The following CSMD1 variants were observed in gnomAD, a reference collection of about 807,000 sequenced individuals.
CSMD1 encodes CUB and Sushi multiple domains 1, also known as CUB and sushi domain-containing protein 1.
A neutral mutation model predicts 417.5 loss-of-function variants in CSMD1; 213 were observed. The ratio of observed to expected loss-of-function variants is 0.51; its 90% CI spans 0.46 to 0.57. The LOEUF (loss-of-function observed/expected upper bound fraction) is 0.57. CSMD1 is among the 20% of genes least tolerant of loss of function. The pLI is 0.00. For missense variants in CSMD1, 6,923 were observed against 4,529.7 expected, an observed-to-expected ratio of 1.53 and a Z score of -15.17; for synonymous variants, 2,862 against 1,736.8, an observed-to-expected ratio of 1.65 and a Z score of -16.11.
chr8:3,886,519 A>T (rs2627354), intron 5 of CSMD1, among the ~76,000 whole-genome samples: 3 of 152,158 alleles, frequency 2.0e-5, no homozygotes, highest in Non-Finnish European at 4.4e-5. Context: ...GTGCTGCTGA[A>T]GTTTGAAAGC....
chr8:4,824,574 C>G (rs534477264), intron 1 of CSMD1, among the ~76,000 whole-genome samples: 2 of 152,152 alleles, frequency 1.3e-5, no homozygotes, highest in Non-Finnish European at 2.9e-5. Context: ...CAGTCTCAAA[C>G]AAGACAGTCT....
chr8:3,553,406 G>A (rs192500259), intron 10 of CSMD1, among the ~76,000 whole-genome samples: 30 of 152,280 alleles, frequency 2.0e-4, no homozygotes, highest in African/African-American at 6.7e-4. Context: ...GACAGACCCA[G>A]CTGATTCATG....
At chr8:4,432,677 T>G (rs1263643592) in intron 2 of CSMD1, among the ~76,000 whole-genome samples, 1 of 152,120 alleles carries the variant, frequency 6.6e-6, no homozygotes, top group Non-Finnish European at 1.5e-5. Flanking sequence ...GAGACAAGAT[T>G]CAAACCCTGG....
At chr8:4,480,323 C>A (rs773455745) in intron 2 of CSMD1, among the ~76,000 whole-genome samples, 70 of 152,262 alleles carry the variant, frequency 4.6e-4, no homozygotes, top group Non-Finnish European at 9.4e-4. Context: ...TGTGTTTCTG[C>A]AGCCTTTGAG....
intron 1 of CSMD1, among the ~76,000 whole-genome samples, chr8:4,807,117 T>G (rs567171912): frequency 3.9e-5 from 6 of 152,288 alleles, no homozygotes; most frequent in Admixed American, 2.0e-4. Flanking sequence ...CATAGAAAAT[T>G]AATGGGAAAT....
At chr8:4,039,655 G>C (rs944950202) in intron 3 of CSMD1, among the ~76,000 whole-genome samples, 2 of 152,196 alleles carry the variant, frequency 1.3e-5, no homozygotes, top group Admixed American at 1.3e-4. Context: ...GACGTAATCA[G>C]AACTGGCTGA....
At chr8:3,748,249 CTATT>C (rs1797154357) in intron 6 of CSMD1, among the ~76,000 whole-genome samples, 3 of 152,052 alleles carry the variant, frequency 2.0e-5, no homozygotes, top group Non-Finnish European at 2.9e-5. Context: ...TTATTAAAAA[CTATT>C]TTTTTTCATG....
At chr8:4,743,521 A>T (rs917743895) in intron 1 of CSMD1, among the ~76,000 whole-genome samples, 1 of 152,184 alleles carries the variant, frequency 6.6e-6, no homozygotes, top group Non-Finnish European at 1.5e-5. Flanking sequence ...CTTTGAGTTC[A>T]TGATGTTCTT....
intron 3 of CSMD1, among the ~76,000 whole-genome samples, chr8:4,222,512 A>G (rs1801100961): frequency 6.6e-6 from 1 of 152,220 alleles, no homozygotes; most frequent in African/African-American, 2.4e-5. Flanking sequence ...TAATATTATT[A>G]TTGTTAAATA....
chr8:3,822,742 C>T, intron 5 of CSMD1, among the ~76,000 whole-genome samples: 1 of 152,040 alleles, frequency 6.6e-6, no homozygotes, highest in East Asian at 1.9e-4. Flanking sequence ...TGTTTGGCAC[C>T]AAAGTGGAAA....
At chr8:4,807,141 C>T (rs182853622) in intron 1 of CSMD1, among the ~76,000 whole-genome samples, 3 of 152,166 alleles carry the variant, frequency 2.0e-5, no homozygotes, top group African/African-American at 7.2e-5. Context: ...GAAGACTACT[C>T]GAGTAATTTA....
intron 10 of CSMD1, among the ~76,000 whole-genome samples, chr8:3,507,192 C>T (rs1013017187): frequency 6.6e-6 from 1 of 152,104 alleles, no homozygotes; most frequent in Non-Finnish European, 1.5e-5. Flanking sequence ...AATTGTGAAT[C>T]ATCATGAAAT....
intron 1 of CSMD1, among the ~76,000 whole-genome samples, chr8:4,808,274 G>A (rs532812457): frequency 1.3e-5 from 2 of 152,136 alleles, no homozygotes; most frequent in African/African-American, 4.8e-5. Context: ...ACAGATGCTG[G>A]TTGAAAAAGG....
intron 3 of CSMD1, among the ~76,000 whole-genome samples, chr8:4,246,551 G>C (rs781615879): frequency 6.6e-6 from 1 of 152,108 alleles, no homozygotes; most frequent in African/African-American, 2.4e-5. Context: ...GATGTTTCAT[G>C]AGGGTTTTCT....
intron 5 of CSMD1, among the ~76,000 whole-genome samples, chr8:3,907,913 G>T (rs758315274): frequency 3.3e-5 from 5 of 152,126 alleles, no homozygotes; most frequent in African/African-American, 4.8e-5. Context: ...TTGTCCTCTG[G>T]AAACAACATG....
At chr8:4,422,082 C>G (rs1227930373) in intron 2 of CSMD1, among the ~76,000 whole-genome samples, 1 of 152,068 alleles carries the variant, frequency 6.6e-6, no homozygotes, top group Non-Finnish European at 1.5e-5. Context: ...TGAACTATTA[C>G]AACTAACCAA....
chr8:3,862,297 A>G (rs1315422419), intron 5 of CSMD1, among the ~76,000 whole-genome samples: 1 of 152,222 alleles, frequency 6.6e-6, no homozygotes, highest in Non-Finnish European at 1.5e-5. Flanking sequence ...GAACGAATTT[A>G]CATTCTCCTT....
At chr8:3,790,743 A>G (rs73500731) in intron 5 of CSMD1, among the ~76,000 whole-genome samples, 7,301 of 152,270 alleles carry the variant, frequency 0.048, 374 homozygotes, top group African/African-American at 0.12. Context: ...CATTTCAAAG[A>G]TAACGACCTT....
At chr8:4,048,890 T>A (rs551340309) in intron 3 of CSMD1, among the ~76,000 whole-genome samples, 1 of 152,212 alleles carries the variant, frequency 6.6e-6, no homozygotes, top group Non-Finnish European at 1.5e-5. Flanking sequence ...AGCTGCTACA[T>A]ACAAAAATAG....
Sources: gnomAD v4.1 joint callset for allele counts (sites outside exome capture counted in the v4.1 genomes callset) on GRCh38, gnomAD v4.1.1 for gene constraint, MANE v1.5 for transcripts, NCBI Gene and HGNC (gene_info 2026-07-23, HGNC 2026-07-21) for gene names.